F8: variants seen among roughly 807,000 people sequenced by gnomAD.
F8 encodes coagulation factor VIII.
A neutral mutation model predicts 140.6 loss-of-function variants in F8; 12 were observed. The observed-to-expected ratio is 0.09, with a 90% CI of 0.05 to 0.14. The LOEUF (loss-of-function observed/expected upper bound fraction) is 0.14, where lower values mean the gene tolerates loss of function less well. Among genes scored for constraint, F8 ranks in the 10% least tolerant of loss-of-function variants. The probability of loss-of-function intolerance (pLI) is 1.00; values close to 1 mark genes in which losing one functional copy is unlikely to be tolerated. For synonymous variants in F8, 585 were observed against 614.6 expected, an observed-to-expected ratio of 0.95 and a Z score of 0.71; for missense variants, 1,354 against 1,720.7, an observed-to-expected ratio of 0.79 and a Z score of 3.77.
intron 25 of F8, among the ~76,000 whole-genome samples, chrX:154,846,078 T>C (rs2072563764): frequency 1.8e-5 from 2 of 112,448 alleles, no homozygotes; most frequent in Admixed American, 1.9e-4. Flanking sequence ...AGCAGGTTGT[T>C]CAGTTTCCAT....
intron 14 of F8, among the ~76,000 whole-genome samples, chrX:154,907,974 T>C (rs1294683378): frequency 9.0e-6 from 1 of 110,641 alleles, no homozygotes; most frequent in Non-Finnish European, 1.9e-5. Context: ...GTGGAATTTA[T>C]AAAAAAAAAC....
intron 1 of F8, among the ~76,000 whole-genome samples, chrX:155,016,887 A>C (rs1471576646): frequency 2.7e-5 from 3 of 112,584 alleles, no homozygotes; most frequent in Non-Finnish European, 3.8e-5. Flanking sequence ...TATGTAAACT[A>C]TACCTGTGGC....
intron 10 of F8, among the ~76,000 whole-genome samples, chrX:154,959,340 C>T (rs1049591910): frequency 3.6e-5 from 4 of 111,130 alleles, no homozygotes; most frequent in Admixed American, 1.9e-4. Context: ...GAGCCAAGAT[C>T]GTGCCACTGT....
At chrX:154,839,275 C>T (rs2072499212) in intron 25 of F8, among the ~76,000 whole-genome samples, 1 of 109,775 alleles carries the variant, frequency 9.1e-6, no homozygotes, top group African/African-American at 3.3e-5. Context: ...CCCCTGGAGT[C>T]CCAGCTACTC....
chrX:154,905,904 TAATC>T (rs2073035699), intron 15 of F8, among the ~76,000 whole-genome samples: 1 of 111,690 alleles, frequency 9.0e-6, no homozygotes, highest in African/African-American at 3.2e-5. Flanking sequence ...TAAGGTAACA[TAATC>T]AATAAGAAAA....
intron 22 of F8, among the ~76,000 whole-genome samples, chrX:154,871,759 C>A (rs1419592064): frequency 1.8e-5 from 2 of 111,909 alleles, no homozygotes; most frequent in Non-Finnish European, 3.8e-5. Context: ...GGTGAGCAGG[C>A]AACCTACAGG....
At chrX:154,905,051 A>C in intron 15 of F8, 28 bp from the exon 16 acceptor site, 2 of 1,111,257 alleles carry the variant, frequency 1.8e-6, no homozygotes, top group Non-Finnish European at 2.5e-6. Context: ...CAAAAAAAAA[A>C]AAGCAAGAAT....
chrX:155,008,322 C>T (rs1408358607), intron 1 of F8, among the ~76,000 whole-genome samples: 1 of 112,322 alleles, frequency 8.9e-6, no homozygotes, highest in Non-Finnish European at 1.9e-5. Flanking sequence ...GAGTCTCTGC[C>T]GCCCCTCCCT....
chrX:154,896,103 G>T lies in F8; in HGVS notation c.6403C>A (p.Arg2135=), dbSNP rs137852356. The change falls in exon 22 of 26, where the codon CGA becomes AGA. Residue 2135 remains arginine, a synonymous_variant. Coordinates refer to ENST00000360256, the MANE Select transcript of F8 (RefSeq NM_000132.4). ...SLDGKKWQTY[R]GNSTGTLMVF... ...ATTAAGGTTCCAGTGGAATTTCCTCGATAAGTCTGCCACTTCTTCCCATCA... is the reference window on the plus strand; with the variant it reads ...ATTAAGGTTCCAGTGGAATTTCCTCTATAAGTCTGCCACTTCTTCCCATCA... 1 of 1,209,774 alleles carries T rather than the reference G, an allele frequency of 8.3e-7. No homozygotes were observed. The highest frequency in any genetic ancestry group is 2.3e-4 in the Middle Eastern group (1 of 4,350).
At position 154,904,380 on chromosome X, in the gene F8, T is replaced by A; in HGVS notation, c.5731A>T (p.Thr1911Ser). The change falls in exon 17 of 26, where the codon ACT becomes TCT. Residue 1911 changes from threonine (T) to serine (S), a missense_variant. Coordinates refer to ENST00000360256, the MANE Select transcript of F8 (RefSeq NM_000132.4). ...CTGCAGTTTCTTTCCATATTTTCAG[T>A]GAAGTACCAGCTTTTGGTCTCATCA... ...IFDETKSWYF[T>S]ENMERNCRAP... 8.3e-7 allele frequency: 1 copy of A among 1,211,621 alleles called. No individual in the cohort carries two copies. Among genetic ancestry groups the A allele is most frequent in the Non-Finnish European group, 1.1e-6 (1 of 895,195 alleles).
chrX:154,924,306 G>T (rs1044056812), intron 14 of F8, among the ~76,000 whole-genome samples: 41 of 111,843 alleles, frequency 3.7e-4, no homozygotes, highest in Non-Finnish European at 5.5e-4. Context: ...AAGACGACAG[G>T]AAAATGTGGA....
chrX:154,837,701 G>A lies in F8; in HGVS notation c.6952C>T (p.Pro2318Ser), dbSNP rs1448060147. 4 of 1,209,330 alleles carry A rather than the reference G, an allele frequency of 3.3e-6. No individual in the cohort carries two copies. The highest frequency in any genetic ancestry group is 4.5e-6 in the Non-Finnish European group (4 of 894,542). The change falls in exon 26 of 26, where the codon CCA becomes TCA. Residue 2318 changes from proline (P) to serine (S), a missense_variant. This residue lies in a region of F8 where 316 missense variants were observed against 485.4 expected (regional missense o/e 0.65). Transcript: ENST00000360256. ...CGAAGGTAGCGAGTCAGTAACGGTG[G>A]GTCTAGAGAGTTCACCACAGGTGTG... ...SFTPVVNSLD[P>S]PLLTRYLRIH...
At chrX:154,911,914 T>A (rs922520034) in intron 14 of F8, among the ~76,000 whole-genome samples, 3 of 112,512 alleles carry the variant, frequency 2.7e-5, no homozygotes, top group African/African-American at 9.7e-5. Flanking sequence ...GAGTGAAATA[T>A]CCATTGTGCT....
At chrX:154,982,097 T>G (rs1252468158) in intron 6 of F8, among the ~76,000 whole-genome samples, 2 of 109,978 alleles carry the variant, frequency 1.8e-5, no homozygotes, top group African/African-American at 3.3e-5. Context: ...GGCAGGAGAA[T>G]CGCTTGAACC....
intron 24 of F8, 31 bp from the exon 25 acceptor site, chrX:154,860,639 C>T: frequency 1.7e-6 from 2 of 1,187,600 alleles, no homozygotes; most frequent in South Asian, 3.5e-5. Flanking sequence ...CTAGTAGCCT[C>T]TTGGTCACCA....
chrX:154,888,434 G>A (rs1170368519), intron 22 of F8, among the ~76,000 whole-genome samples: 6 of 65,842 alleles, frequency 9.1e-5, no homozygotes, highest in Admixed American at 2.7e-4. Context: ...TCACTCTGTC[G>A]CCCAGGCAGG....
At chrX:154,874,189 T>G (rs1363583957) in intron 22 of F8, among the ~76,000 whole-genome samples, 1 of 112,589 alleles carries the variant, frequency 8.9e-6, no homozygotes, top group African/African-American at 3.2e-5. Context: ...AGAAGAAATA[T>G]AAAAGGCCAA....
At chrX:154,914,671 T>C (rs1557276965) in intron 14 of F8, among the ~76,000 whole-genome samples, 1 of 112,274 alleles carries the variant, frequency 8.9e-6, no homozygotes, top group African/African-American at 3.2e-5. Context: ...CAGTCTGAAC[T>C]TCATTGTCCA....
intron 6 of F8, among the ~76,000 whole-genome samples, chrX:154,970,163 C>T (rs1184946676): frequency 8.9e-6 from 1 of 112,486 alleles, no homozygotes; most frequent in African/African-American, 3.2e-5. Context: ...GTATTGAGCA[C>T]TTGTTTTATG....
Sources: gnomAD v4.1 joint callset for allele counts (sites outside exome capture counted in the v4.1 genomes callset) on GRCh38, gnomAD v4.1.1 for gene constraint, gnomAD v4.1.1 regional missense constraint, MANE v1.5 for transcripts, NCBI Gene and HGNC (gene_info 2026-07-23, HGNC 2026-07-21) for gene names.